The following FOXP2 variants were observed in gnomAD, a reference collection of about 807,000 sequenced individuals.
FOXP2 encodes forkhead box P2.
FOXP2 carries 12 observed loss-of-function variants against 115.8 expected under a neutral mutation model. The observed-to-expected ratio is 0.10, with a 90% confidence interval of 0.07 to 0.17. The LOEUF is 0.17. Ranked by LOEUF, FOXP2 falls within the 10% of genes least tolerant of loss-of-function variation. The pLI is 1.00. For synonymous variants in FOXP2, 328 were observed against 297.7 expected (o/e 1.10, Z -1.05); for missense variants, 629 against 843.5 (o/e 0.75, Z 3.15).
intron 2 of FOXP2, among the ~76,000 whole-genome samples, chr7:114,357,204 C>T (rs1056192439): frequency 6.6e-6 from 1 of 152,066 alleles, no homozygotes; most frequent in African/African-American, 2.4e-5. Context: ...TAGTACTTAT[C>T]GTTACATATA....
At chr7:114,346,078 A>C (rs1791340107) in intron 2 of FOXP2, among the ~76,000 whole-genome samples, 1 of 151,854 alleles carries the variant, frequency 6.6e-6, no homozygotes, top group African/African-American at 2.4e-5. Context: ...TTTTAAACAT[A>C]CTGTATTGTA....
intron 2 of FOXP2, among the ~76,000 whole-genome samples, chr7:114,401,957 T>C (rs1042922847): frequency 2.6e-5 from 4 of 151,774 alleles, no homozygotes; most frequent in African/African-American, 9.7e-5. Flanking sequence ...TCCCATCTCT[T>C]CTAAAAATAC....
intron 2 of FOXP2, among the ~76,000 whole-genome samples, chr7:114,391,386 T>G (rs1000388773): frequency 2.0e-5 from 3 of 152,236 alleles, no homozygotes; most frequent in Non-Finnish European, 4.4e-5. Context: ...AAATTTTTTC[T>G]AAGTATTTTA....
intron 6 of FOXP2, among the ~76,000 whole-genome samples, chr7:114,640,069 A>T (rs759616666): frequency 7.2e-5 from 11 of 152,172 alleles, no homozygotes; most frequent in Non-Finnish European, 1.6e-4. Flanking sequence ...ACAATACAGC[A>T]GAGAGGCAGC....
intron 2 of FOXP2, among the ~76,000 whole-genome samples, chr7:114,518,579 T>G (rs1798458200): frequency 6.6e-6 from 1 of 152,084 alleles, no homozygotes; most frequent in Non-Finnish European, 1.5e-5. Flanking sequence ...CTCAGCTCAC[T>G]TTAACCTCTA....
chr7:114,489,220 C>T (rs1334339934), intron 2 of FOXP2, among the ~76,000 whole-genome samples: 1 of 152,022 alleles, frequency 6.6e-6, no homozygotes, highest in African/African-American at 2.4e-5. Context: ...TGGAAAATAT[C>T]ACTTCCATTT....
intron 3 of FOXP2, among the ~76,000 whole-genome samples, chr7:114,596,262 CTT>C (rs1802699815): frequency 6.6e-6 from 1 of 151,978 alleles, no homozygotes; most frequent in Non-Finnish European, 1.5e-5. Context: ...CTTGGTTGTG[CTT>C]CTTGGAAATC....
intron 1 of FOXP2, among the ~76,000 whole-genome samples, chr7:114,287,275 A>C (rs115716089): frequency 6.6e-6 from 1 of 151,994 alleles, no homozygotes; most frequent in African/African-American, 2.4e-5. Context: ...AACTGCAAAA[A>C]GTCTCATAAT....
chr7:114,339,556 T>C (rs1328040394), intron 2 of FOXP2, among the ~76,000 whole-genome samples: 6 of 151,266 alleles, frequency 4.0e-5, no homozygotes, highest in Non-Finnish European at 8.9e-5. Flanking sequence ...GAACATTTCC[T>C]GAAGCTTTAC....
At chr7:114,675,839 A>T (rs902224110) in intron 16 of FOXP2, among the ~76,000 whole-genome samples, 1 of 151,980 alleles carries the variant, frequency 6.6e-6, no homozygotes, top group African/African-American at 2.4e-5. Flanking sequence ...CACTTAGGAC[A>T]TAACAGTATA....
At chr7:114,402,842 T>C (rs771942914) in intron 2 of FOXP2, among the ~76,000 whole-genome samples, 42 of 152,080 alleles carry the variant, frequency 2.8e-4, no homozygotes, top group Non-Finnish European at 5.4e-4. Flanking sequence ...TCTTGTTATG[T>C]TTCCAAGGCT....
At chr7:114,681,439 A>G (rs564381585) in intron 16 of FOXP2, among the ~76,000 whole-genome samples, 2 of 152,288 alleles carry the variant, frequency 1.3e-5, no homozygotes, top group East Asian at 3.9e-4. Context: ...TATGTATATT[A>G]TCAGAACTTC....
intron 2 of FOXP2, among the ~76,000 whole-genome samples, chr7:114,315,789 A>G (rs2129180792): frequency 6.6e-6 from 1 of 152,304 alleles, no homozygotes; most frequent in East Asian, 1.9e-4. Context: ...GAACATTTCC[A>G]TCAGTTGATC....
At chr7:114,676,740 A>G (rs967940833) in intron 16 of FOXP2, among the ~76,000 whole-genome samples, 1 of 152,218 alleles carries the variant, frequency 6.6e-6, no homozygotes, top group African/African-American at 2.4e-5. Context: ...TTTCTCAAAT[A>G]ACTAGAATTA....
chr7:114,659,240 A>G, intron 11 of FOXP2, 116 bp from the exon 12 acceptor site: 1 of 760,422 alleles, frequency 1.3e-6, no homozygotes, highest in African/African-American at 1.8e-5. Context: ...TTGTGCTTTC[A>G]CTAGTCGGTG....
At chr7:114,111,885 G>A (rs952983293) in intron 1 of FOXP2, among the ~76,000 whole-genome samples, 30 of 151,846 alleles carry the variant, frequency 2.0e-4, no homozygotes, top group African/African-American at 7.3e-4. Context: ...GGAGAGATTT[G>A]GGGTTTGAAG....
At chr7:114,686,633 T>G (rs554079379) in intron 16 of FOXP2, among the ~76,000 whole-genome samples, 19 of 152,328 alleles carry the variant, frequency 1.2e-4, no homozygotes, top group Admixed American at 1.2e-3. Context: ...TGTATATATC[T>G]TCATTTTCTC....
intron 1 of FOXP2, among the ~76,000 whole-genome samples, chr7:114,173,605 A>AT (rs1049654991): frequency 2.7e-3 from 390 of 146,254 alleles, no homozygotes; most frequent in African/African-American, 7.8e-3. Context: ...TATTGCATTT[A>AT]TTTTTTTTTT....
At chr7:114,209,905 C>T (rs1185906491) in intron 1 of FOXP2, among the ~76,000 whole-genome samples, 1 of 152,082 alleles carries the variant, frequency 6.6e-6, no homozygotes, top group Non-Finnish European at 1.5e-5. Context: ...AGATTCTTTC[C>T]TCTGCTGTCT....
Sources: allele counts gnomAD v4.1 joint callset (sites outside exome capture counted in the v4.1 genomes callset), GRCh38; gene constraint gnomAD v4.1.1; transcripts MANE v1.5; gene names NCBI Gene and HGNC (gene_info 2026-07-23, HGNC 2026-07-21).